Variants in MAGI3 observed in about 807,000 individuals in gnomAD.
MAGI3 encodes the protein membrane-associated guanylate kinase, WW and PDZ domain-containing protein 3.
MAGI3 carries 43 observed loss-of-function variants against 121.8 expected under a neutral mutation model. That is an observed-to-expected ratio of 0.35 (90% CI 0.28 to 0.46). MAGI3 has a LOEUF of 0.46. Ranked by LOEUF, MAGI3 falls within the 20% of genes least tolerant of loss-of-function variation. The probability of loss-of-function intolerance (pLI) is 1.00; values close to 1 mark genes in which losing one functional copy is unlikely to be tolerated. For missense variants in MAGI3, 1,547 were observed against 1,797.3 expected (o/e 0.86, Z 2.52); for synonymous variants, 553 against 639.3 (o/e 0.86, Z 2.04).
At chr1:113,489,357 A>T (rs889931287) in intron 1 of MAGI3, among the ~76,000 whole-genome samples, 1 of 152,196 alleles carries the variant, frequency 6.6e-6, no homozygotes, top group African/African-American at 2.4e-5. Flanking sequence ...TCTTATGGTC[A>T]TCAAATAGAA....
At chr1:113,567,271 G>A (rs1660470789) in intron 2 of MAGI3, among the ~76,000 whole-genome samples, 2 of 151,952 alleles carry the variant, frequency 1.3e-5, no homozygotes, top group Admixed American at 1.3e-4. Context: ...TATAATGAGT[G>A]TGGAGATTAA....
intron 1 of MAGI3, among the ~76,000 whole-genome samples, chr1:113,485,918 G>C (rs1036058955): frequency 1.3e-5 from 2 of 152,058 alleles, no homozygotes; most frequent in African/African-American, 4.8e-5. Flanking sequence ...TGTTGAATAG[G>C]GTGTCTTTTC....
At chr1:113,653,753 G>A in intron 14 of MAGI3, 77 bp from the exon 15 acceptor site, 3 of 1,257,546 alleles carry the variant, frequency 2.4e-6, no homozygotes, top group Non-Finnish European at 3.3e-6. Flanking sequence ...TTCTGTGAGA[G>A]GCTTAGCATA....
At chr1:113,650,965 C>A (rs752353472) in intron 13 of MAGI3, 49 bp from the exon 14 acceptor site, 1 of 1,529,088 alleles carries the variant, frequency 6.5e-7, no homozygotes. Context: ...CTTAACTCTT[C>A]AGCTAAACTT....
chr1:113,506,566 T>C (rs1165104162), intron 1 of MAGI3, among the ~76,000 whole-genome samples: 1 of 152,204 alleles, frequency 6.6e-6, no homozygotes, highest in Non-Finnish European at 1.5e-5. Flanking sequence ...ATGTGCAAAG[T>C]ATTGGTTTAA....
chr1:113,572,411 A>G (rs1193524480), intron 2 of MAGI3, among the ~76,000 whole-genome samples: 2 of 152,198 alleles, frequency 1.3e-5, no homozygotes, highest in African/African-American at 4.8e-5. Flanking sequence ...GACTCATAAA[A>G]TGAGTTAGGG....
intron 2 of MAGI3, among the ~76,000 whole-genome samples, chr1:113,558,064 A>G (rs1321425473): frequency 6.6e-6 from 1 of 152,156 alleles, no homozygotes; most frequent in Non-Finnish European, 1.5e-5. Flanking sequence ...AAGATCAGCA[A>G]CCTCAAAGAT....
At chr1:113,520,591 T>G (rs1044229416) in intron 1 of MAGI3, among the ~76,000 whole-genome samples, 1 of 152,016 alleles carries the variant, frequency 6.6e-6, no homozygotes, top group Admixed American at 6.6e-5. Flanking sequence ...AGTCTCCTGT[T>G]TTCTTACTTT....
chr1:113,529,640 T>C lies in MAGI3; in HGVS notation c.317-19875T>C, dbSNP rs114222501. Among the ~76,000 whole-genome samples the C allele has an allele frequency of 3.7e-3, 567 of 152,312 alleles. 2 individuals are homozygous for C. Among genetic ancestry groups the C allele is most frequent in the Middle Eastern group, 0.01 (3 of 294 alleles). ...CTTATTTTTTCTTCTATACTGGATG[T>C]ATCATCTTGTACTCCATAGAGGCAT... On this transcript the variant is annotated intron_variant, in intron 1 of 20. Transcript: ENST00000307546.
At chr1:113,452,457 C>CAG (rs2101491135) in intron 1 of MAGI3, among the ~76,000 whole-genome samples, 1 of 54,382 alleles carries the variant, frequency 1.8e-5, no homozygotes, top group South Asian at 4.8e-4. Context: ...CATAGACATA[C>CAG]ACACACACAC....
intron 2 of MAGI3, among the ~76,000 whole-genome samples, chr1:113,561,563 AC>A (rs1374258097): frequency 1.3e-4 from 20 of 152,216 alleles, no homozygotes; most frequent in African/African-American, 2.9e-4. Context: ...AAATTTAACA[AC>A]CCTTCAGGTT....
chr1:113,620,628 C>A (rs186734588), intron 8 of MAGI3, among the ~76,000 whole-genome samples: 1 of 152,264 alleles, frequency 6.6e-6, no homozygotes. Flanking sequence ...CTGACTATAT[C>A]CCCAGTGCTT....
At chr1:113,526,108 G>T (rs576998222) in intron 1 of MAGI3, among the ~76,000 whole-genome samples, 1 of 152,070 alleles carries the variant, frequency 6.6e-6, no homozygotes, top group South Asian at 2.1e-4. Context: ...TTTGAAAAAG[G>T]CTTTAAAAAT....
At chr1:113,657,720 A>G (rs1653556661) in intron 15 of MAGI3, among the ~76,000 whole-genome samples, 1 of 152,134 alleles carries the variant, frequency 6.6e-6, no homozygotes, top group Non-Finnish European at 1.5e-5. Flanking sequence ...TAGTGAATCA[A>G]CTCATAATGC....
chr1:113,399,241 T>C (rs1230802545), intron 1 of MAGI3, among the ~76,000 whole-genome samples: 1 of 152,172 alleles, frequency 6.6e-6, no homozygotes, highest in Non-Finnish European at 1.5e-5. Context: ...ACTTTGGCCC[T>C]GTGCCCATCT....
rs1431783472 is a variant in MAGI3, at chr1:113,685,396, C to G, written c.*1382C>G. The G allele has an allele frequency of 6.6e-6, 1 of 152,330 alleles. No homozygotes were observed. Among genetic ancestry groups the G allele is most frequent in the Non-Finnish European group, 1.5e-5 (1 of 68,048 alleles). 9.4% of individuals were successfully genotyped at this position (152,330 alleles called of 1,614,324 possible). A position where few individuals can be genotyped will look rare whatever the true frequency, so the allele number is the denominator to read the frequency against. On this transcript the variant is annotated 3_prime_UTR_variant, in exon 21 of 21. Transcript: ENST00000307546. ...TGTGTGAACACACTTGTTCTGTCAC[C>G]TGGGTTCATCTTGTTGTGAAGCACA...
At chr1:113,418,336 A>G (rs1652560247) in intron 1 of MAGI3, among the ~76,000 whole-genome samples, 1 of 152,096 alleles carries the variant, frequency 6.6e-6, no homozygotes, top group African/African-American at 2.4e-5. Context: ...TCCCTACTTG[A>G]AATTTTCCAC....
intron 2 of MAGI3, among the ~76,000 whole-genome samples, chr1:113,573,495 T>A (rs1044002816): frequency 6.6e-6 from 1 of 152,216 alleles, no homozygotes; most frequent in African/African-American, 2.4e-5. Flanking sequence ...TTCTAAGTAG[T>A]TGTGCAGTTT....
chr1:113,401,334 T>C (rs550389150), intron 1 of MAGI3, among the ~76,000 whole-genome samples: 7 of 152,152 alleles, frequency 4.6e-5, no homozygotes, highest in Non-Finnish European at 8.8e-5. Flanking sequence ...ACTGGGCAAG[T>C]ACTTACAATA....
Sources: allele counts gnomAD v4.1 joint callset (sites outside exome capture counted in the v4.1 genomes callset), GRCh38; gene constraint gnomAD v4.1.1; transcripts MANE v1.5; gene names NCBI Gene and HGNC (gene_info 2026-07-23, HGNC 2026-07-21).